The following PDE1C variants were observed in gnomAD, a reference collection of about 807,000 sequenced individuals.
PDE1C encodes phosphodiesterase 1C.
A neutral mutation model predicts 93.1 loss-of-function variants in PDE1C; 62 were observed. The observed-to-expected ratio is 0.67, with a 90% CI of 0.54 to 0.82. PDE1C has a LOEUF of 0.82. PDE1C is among the 40% of genes least tolerant of loss of function. The probability of loss-of-function intolerance (pLI) is 0.00; values close to 1 mark genes in which losing one functional copy is unlikely to be tolerated. For synonymous variants in PDE1C, 325 were observed against 310.1 expected (o/e 1.05, Z -0.50); for missense variants, 742 against 884.6 (o/e 0.84, Z 2.04).
At position 31,794,037 on chromosome 7, in the gene PDE1C, TAGATAGACAGAC is replaced by T. The variant is rs1238849838; in HGVS notation, c.1891+14982_1891+14993del. Among the ~76,000 whole-genome samples, 944 of 105,376 alleles carry T rather than the reference TAGATAGACAGAC, an allele frequency of 9.0e-3. 8 individuals carry two copies. The highest frequency in any genetic ancestry group is 0.03 in the African/African-American group (823 of 27,376). 69.1% of individuals were successfully genotyped at this position (105,376 alleles called of 152,430 possible). ...ATAGATAGATAGATAGATAGATAGA[TAGATAGACAGAC>T]AGACAGACAGACAGACAGACAGACA... is the stretch of plus-strand genomic sequence containing the variant. On this transcript the variant is annotated intron_variant, in intron 16 of 17. Transcript: ENST00000396191.
At chr7:31,699,241 T>A in the PDE1C span, among the ~76,000 whole-genome samples, 2 of 152,194 alleles carry the variant, frequency 1.3e-5, no homozygotes, top group Non-Finnish European at 2.9e-5. Context: ...ACATCCTGCA[T>A]CAGCCCTTAC....
At chr7:31,777,628 C>T (rs542966284) in intron 16 of PDE1C, among the ~76,000 whole-genome samples, 1 of 152,082 alleles carries the variant, frequency 6.6e-6, no homozygotes, top group Non-Finnish European at 1.5e-5. Context: ...CACCCAGCCC[C>T]ATTTTCATCT....
At chr7:31,954,568 A>G (rs1807861993) in intron 2 of PDE1C, among the ~76,000 whole-genome samples, 1 of 152,080 alleles carries the variant, frequency 6.6e-6, no homozygotes, top group Non-Finnish European at 1.5e-5. Context: ...TATCTGATCT[A>G]TTCCTGGATT....
At chr7:31,853,878 A>ATTTTTTTT (rs60293827) in intron 7 of PDE1C, among the ~76,000 whole-genome samples, 3 of 124,532 alleles carry the variant, frequency 2.4e-5, no homozygotes, top group Non-Finnish European at 3.4e-5. Context: ...ATGCCCAGCT[A>ATTTTTTTT]TTTTTTTTTT....
chr7:32,196,576 G>A (rs1804638038), intron 2 of PDE1C, among the ~76,000 whole-genome samples: 2 of 151,978 alleles, frequency 1.3e-5, no homozygotes, highest in Admixed American at 1.3e-4. Context: ...AATATCCAGG[G>A]GTTTTAGTTG....
chr7:31,623,226 A>C, the PDE1C span, among the ~76,000 whole-genome samples: 1 of 152,184 alleles, frequency 6.6e-6, no homozygotes, highest in Non-Finnish European at 1.5e-5. Context: ...TCAATAGAAA[A>C]AGAGGGAATC....
chr7:32,171,619 T>A (rs2128806195), intron 2 of PDE1C, among the ~76,000 whole-genome samples: 1 of 151,378 alleles, frequency 6.6e-6, no homozygotes, highest in African/African-American at 2.4e-5. Flanking sequence ...ATTATTATAT[T>A]ATTCCCTAAA....
chr7:32,188,849 G>A (rs376037270), intron 2 of PDE1C, among the ~76,000 whole-genome samples: 2 of 152,146 alleles, frequency 1.3e-5, no homozygotes, highest in African/African-American at 4.8e-5. Flanking sequence ...CAAGGTATGT[G>A]TGTTACTCTA....
At chr7:32,349,188 A>G (rs215689) in intron 1 of PDE1C, among the ~76,000 whole-genome samples, 147,405 of 152,294 alleles carry the variant, frequency 0.97, 71,537 homozygotes, top group East Asian at 1. Flanking sequence ...GAAGGTTCAC[A>G]GACTTGGGCC....
the PDE1C span, among the ~76,000 whole-genome samples, chr7:31,708,951 G>C: frequency 6.6e-6 from 1 of 152,138 alleles, no homozygotes; most frequent in Non-Finnish European, 1.5e-5. Context: ...AACTGTGGCC[G>C]GGTGCTGGTT....
chr7:31,926,662 C>T (rs542050781), intron 2 of PDE1C, among the ~76,000 whole-genome samples: 6 of 152,278 alleles, frequency 3.9e-5, no homozygotes, highest in East Asian at 3.9e-4. Context: ...GGTGGGGCAT[C>T]GCCTCACCTG....
At chr7:32,354,616 A>C (rs1428334367) in intron 1 of PDE1C, among the ~76,000 whole-genome samples, 1 of 152,196 alleles carries the variant, frequency 6.6e-6, no homozygotes, top group Non-Finnish European at 1.5e-5. Flanking sequence ...GTTTGTAAAA[A>C]TCCTTGCAGG....
intron 17 of PDE1C, among the ~76,000 whole-genome samples, chr7:31,761,375 A>C (rs1374078614): frequency 2.0e-5 from 3 of 152,196 alleles, no homozygotes; most frequent in Non-Finnish European, 4.4e-5. Flanking sequence ...TGAAGCAATA[A>C]TCTTGCTTCC....
chr7:31,974,624 T>C (rs1811404607), intron 2 of PDE1C, among the ~76,000 whole-genome samples: 1 of 146,298 alleles, frequency 6.8e-6, no homozygotes, highest in Non-Finnish European at 1.5e-5. Flanking sequence ...CCTTAATGGA[T>C]AAAAGGCAGG....
rs1009014074 is a variant in PDE1C, at chr7:31,840,448, C to T, written c.981-2477G>A. On this transcript the variant is annotated intron_variant, in intron 9 of 17. Transcript: ENST00000396191. Reference sequence around the variant, plus strand: ...TTTTTTAACGGTGTCTTCCAAAGAGCAAAAGGTTTAATTTTTATAAAGTTC... The same window carrying T: ...TTTTTTAACGGTGTCTTCCAAAGAGTAAAAGGTTTAATTTTTATAAAGTTC... Among the ~76,000 whole-genome samples, 7 of 151,834 alleles carry T rather than the reference C, an allele frequency of 4.6e-5. No individual in the cohort carries two copies. In the South Asian group the frequency reaches 6.2e-4, roughly 14 times the overall value.
At position 32,059,458 on chromosome 7, in the gene PDE1C, T is replaced by C. The variant is rs145636601; in HGVS notation, c.102-7878A>G. ...ACCAACTCACATGGCAGACCCAGGC[T>C]GCCCCAGTGCTCCTGTCCTCCCAAA... On this transcript the variant is annotated intron_variant, in intron 1 of 17. Coordinates refer to ENST00000396191, the MANE Select transcript of PDE1C (RefSeq NM_001191057.4). Among the ~76,000 whole-genome samples, 224 of 152,278 alleles carry C rather than the reference T, an allele frequency of 1.5e-3. 2 individuals are homozygous for C. The highest frequency in any genetic ancestry group is 1.9e-3 in the Non-Finnish European group (127 of 68,024).
chr7:31,623,389 C>T, the PDE1C span, among the ~76,000 whole-genome samples: 2 of 151,348 alleles, frequency 1.3e-5, no homozygotes, highest in Non-Finnish European at 2.9e-5. Flanking sequence ...AGCAGCACAT[C>T]AAAAAGCTTA....
the PDE1C span, among the ~76,000 whole-genome samples, chr7:31,723,871 G>T: frequency 1.3e-5 from 2 of 152,038 alleles, no homozygotes; most frequent in Non-Finnish European, 2.9e-5. Context: ...ATACATACAC[G>T]CAAATCCACA....
chr7:32,160,875 T>C (rs1308658112), intron 3 of PDE1C, among the ~76,000 whole-genome samples: 1 of 151,858 alleles, frequency 6.6e-6, no homozygotes, highest in Admixed American at 6.6e-5. Context: ...AGAAGGAATA[T>C]GATGGGAGAA....
Sources: allele counts gnomAD v4.1 joint callset (sites outside exome capture counted in the v4.1 genomes callset), GRCh38; gene constraint gnomAD v4.1.1; transcripts MANE v1.5; gene names NCBI Gene and HGNC (gene_info 2026-07-23, HGNC 2026-07-21).